Variants in ITPKB observed in about 807,000 individuals in gnomAD.
ITPKB encodes inositol-trisphosphate 3-kinase B.
A neutral mutation model predicts 69.4 loss-of-function variants in ITPKB; 13 were observed. The ratio of observed to expected loss-of-function variants is 0.19; its 90% CI spans 0.12 to 0.30. The LOEUF (loss-of-function observed/expected upper bound fraction) is 0.30, where lower values mean the gene tolerates loss of function less well. Ranked by LOEUF, ITPKB falls within the 10% of genes least tolerant of loss-of-function variation. The pLI is 1.00. For synonymous variants in ITPKB, 584 were observed against 513.7 expected, an observed-to-expected ratio of 1.14 and a Z score of -1.85; for missense variants, 1,240 against 1,250.5, an observed-to-expected ratio of 0.99 and a Z score of 0.13.
chr1:226,727,832 A>G (rs1404712083), intron 2 of ITPKB, among the ~76,000 whole-genome samples: 6 of 152,202 alleles, frequency 3.9e-5, no homozygotes, highest in Non-Finnish European at 1.5e-5. Context: ...CATCATTAAT[A>G]CGTATTATCA....
intron 2 of ITPKB, among the ~76,000 whole-genome samples, chr1:226,651,685 G>A (rs756393616): frequency 5.9e-5 from 9 of 152,206 alleles, no homozygotes; most frequent in South Asian, 2.1e-4. Flanking sequence ...GATGCTGGGC[G>A]AGACAGTGTG....
chr1:226,736,894 T>C lies in ITPKB; in HGVS notation c.565A>G (p.Arg189Gly), dbSNP rs140720675. ...CTCCGGGCGCCCTGAACCAGGACCC[T>C]TCCAGGGGGCTGACTGCTGCTGCGG... The part of the protein sequence containing the change: ...PFRSSSQPPG[R>G]VLVQGARSEE... Residue 189 changes from arginine (R) to glycine (G), a missense_variant, in exon 2 of 8, where the codon AGG (arginine) becomes GGG (glycine). By Grantham distance (125) the Arg-to-Gly change is moderately radical. Around this residue, in one of 2 missense-constraint regions of ITPKB, gnomAD observed 992 missense variants for 853.8 expected, o/e 1.16. Transcript: ENST00000429204. 1,072 of 1,610,482 alleles carry C rather than the reference T, an allele frequency of 6.7e-4. 8 individuals are homozygous for C. In the African/African-American group the frequency reaches 0.013, roughly 20 times the overall value.
chr1:226,676,469 C>T (rs1427163554), intron 2 of ITPKB: 1 of 152,226 alleles, frequency 6.6e-6, no homozygotes, highest in Non-Finnish European at 1.5e-5. Context: ...CCCCCAATTC[C>T]CCTACCGGTG....
rs190730974 is a variant in ITPKB at position 226,639,249 on chromosome 1, A to G, written c.2553+308T>C. Among the ~76,000 whole-genome samples, 1,394 of 152,098 alleles carry G rather than the reference A, an allele frequency of 9.2e-3. 25 individuals are homozygous for G. The highest frequency in any genetic ancestry group is 0.032 in the African/African-American group (1,328 of 41,496). The stretch of plus-strand genomic sequence containing the variant: ...ATTTTTGTGTTTTTAGTAAAGATGG[A>G]GTTTCACCATGTTGGCCAGGCTGGT... On this transcript the variant is annotated intron_variant, in intron 6 of 7. Transcript: ENST00000429204.
intron 2 of ITPKB, among the ~76,000 whole-genome samples, chr1:226,713,491 G>A (rs371627679): frequency 5.8e-4 from 88 of 152,304 alleles, no homozygotes; most frequent in African/African-American, 2.0e-3. Context: ...GTGTCATCCC[G>A]TTTTAGATCC....
chr1:226,687,720 A>G (rs1656247745), intron 2 of ITPKB, among the ~76,000 whole-genome samples: 1 of 152,200 alleles, frequency 6.6e-6, no homozygotes, highest in African/African-American at 2.4e-5. Flanking sequence ...CTTGCTTGGC[A>G]CAGAGGGGCC....
At chr1:226,683,468 G>T (rs563399826) in intron 2 of ITPKB, among the ~76,000 whole-genome samples, 13 of 152,162 alleles carry the variant, frequency 8.5e-5, no homozygotes, top group African/African-American at 2.9e-4. Flanking sequence ...CCCAGTCACA[G>T]AACTCATCAG....
At chr1:226,638,271 G>T (rs1668880787) in intron 6 of ITPKB, among the ~76,000 whole-genome samples, 1 of 152,214 alleles carries the variant, frequency 6.6e-6, no homozygotes, top group African/African-American at 2.4e-5. Context: ...CCCCTGCAAG[G>T]GACTCAGGAA....
chr1:226,732,304 T>C (rs1657613032), intron 2 of ITPKB, among the ~76,000 whole-genome samples: 1 of 152,194 alleles, frequency 6.6e-6, no homozygotes, highest in Non-Finnish European at 1.5e-5. Flanking sequence ...AGTGGTACAA[T>C]CTCGCCTCAT....
intron 5 of ITPKB, among the ~76,000 whole-genome samples, chr1:226,640,602 G>A (rs1668941503): frequency 6.6e-6 from 1 of 152,204 alleles, no homozygotes; most frequent in East Asian, 1.9e-4. Context: ...CTGACGGCTG[G>A]ACAATAGACA....
intron 4 of ITPKB, among the ~76,000 whole-genome samples, chr1:226,643,221 T>A (rs1668998054): frequency 6.6e-6 from 1 of 151,580 alleles, no homozygotes; most frequent in South Asian, 2.1e-4. Flanking sequence ...GGGGGCTGAA[T>A]CGCTGGCCCT....
At chr1:226,731,316 G>A (rs535461626) in intron 2 of ITPKB, among the ~76,000 whole-genome samples, 5 of 152,254 alleles carry the variant, frequency 3.3e-5, no homozygotes, top group African/African-American at 9.6e-5. Flanking sequence ...CTTAGGTATG[G>A]TACTGATGAT....
chr1:226,648,697 G>A lies in ITPKB; in HGVS notation c.2007C>T (p.Pro669=). 1 of 1,611,366 alleles carries A rather than the reference G, an allele frequency of 6.2e-7. No homozygotes were observed. The highest frequency in any genetic ancestry group is 8.5e-7 in the Non-Finnish European group (1 of 1,177,440). Residue 669 remains proline (P), a synonymous_variant, in exon 3 of 8, where the codon CCC becomes CCT. Coordinates refer to ENST00000429204, the MANE Select transcript of ITPKB (RefSeq NM_002221.4). ...PFVMSFKKKY[P]WIQLAGHAGS... ...CTGCGTGTCCTGCCAGCTGGATCCA[G>A]GGGTACTTCTTCTTGAAGGACATGA...
intron 2 of ITPKB, chr1:226,657,255 A>C (rs1189332036): frequency 6.6e-6 from 1 of 152,252 alleles, no homozygotes; most frequent in African/African-American, 2.4e-5. Flanking sequence ...TATTTCATGT[A>C]TGTGGAACTC....
intron 2 of ITPKB, among the ~76,000 whole-genome samples, chr1:226,729,783 C>T (rs574871740): frequency 1.3e-5 from 2 of 151,878 alleles, no homozygotes; most frequent in South Asian, 2.1e-4. Context: ...TTTTAGTAGA[C>T]GAGGTTTCAC....
rs544555169 is a variant in ITPKB at position 226,733,480 on chromosome 1, G to A, written c.1932+2047C>T. On this transcript the variant is annotated intron_variant, in intron 2 of 7. Transcript: ENST00000429204. ...TCCAGCGTAACAATCTGTACAAGAA[G>A]AAAACTTTGCTTATCGTGCAAGCAC... 2.8e-4 allele frequency among the ~76,000 whole-genome samples: 42 copies of A among 152,250 alleles called. No individual in the cohort carries two copies. The South Asian group carries it at 8.5e-3, about 31-fold the overall frequency.
In ITPKB at chr1:226,736,667, A is replaced by T. The variant is rs1366841813; in HGVS notation, c.792T>A (p.Ser264Arg). 35 of 1,613,194 alleles carry T rather than the reference A, an allele frequency of 2.2e-5. No homozygotes were observed. The highest frequency in any genetic ancestry group is 3.0e-5 in the Non-Finnish European group (35 of 1,179,914). The part of the protein sequence containing the change: ...FVRMEKGIPA[S>R]PRCGSPTAME... ...TAGCTGTGGGTGAGCCACAGCGGGG[A>T]CTGGCAGGGATACCCTTCTCCATCC... The change falls in exon 2 of 8, where the codon AGT (serine) becomes AGA (arginine). Residue 264 changes from serine to arginine, a missense_variant. Around this residue, in one of 2 missense-constraint regions of ITPKB, gnomAD observed 992 missense variants for 853.8 expected, o/e 1.16. Transcript: ENST00000429204.
rs573037722 is a variant in ITPKB, at chr1:226,666,043, C to A, written c.1933-17272G>T. On this transcript the variant is annotated intron_variant, in intron 2 of 7. Transcript: ENST00000429204. ...TCCTGGCCATCTGCGGTCTTCCCCA[C>A]CAGCCTGCCTAAAAATGAAAGAAAT... Among the ~76,000 whole-genome samples the A allele has an allele frequency of 1.2e-4, 19 of 152,330 alleles. No individual in the cohort carries two copies. The South Asian group carries it at 3.9e-3, about 32-fold the overall frequency.
At chr1:226,678,820 G>A (rs1231453339) in intron 2 of ITPKB, among the ~76,000 whole-genome samples, 1 of 152,232 alleles carries the variant, frequency 6.6e-6, no homozygotes, top group Admixed American at 6.5e-5. Context: ...TCAGGAAGGA[G>A]GTTTCCTGTG....
Sources: allele counts gnomAD v4.1 joint callset (sites outside exome capture counted in the v4.1 genomes callset), GRCh38; gene constraint gnomAD v4.1.1; regional missense constraint gnomAD v4.1.1; transcripts MANE v1.5; gene names NCBI Gene and HGNC (gene_info 2026-07-23, HGNC 2026-07-21).